CHMP4B: variants seen among roughly 807,000 people sequenced by gnomAD.
CHMP4B encodes the protein charged multivesicular body protein 4B, also known as SNF7 homolog associated with Alix 1.
A neutral mutation model predicts 25.1 loss-of-function variants in CHMP4B; 1 was observed. The observed-to-expected ratio is 0.04, with a 90% CI of 0.01 to 0.19. The LOEUF (loss-of-function observed/expected upper bound fraction) is 0.19, where lower values mean the gene tolerates loss of function less well. Ranked by LOEUF, CHMP4B falls within the 10% of genes least tolerant of loss-of-function variation. The probability of loss-of-function intolerance (pLI) is 1.00; values close to 1 mark genes in which losing one functional copy is unlikely to be tolerated. For synonymous variants in CHMP4B, 101 were observed against 115.6 expected (o/e 0.87, Z 0.81); for missense variants, 151 against 289.7 (o/e 0.52, Z 3.48).
intron 1 of CHMP4B, among the ~76,000 whole-genome samples, chr20:33,815,205 T>G (rs946752291): frequency 5.3e-5 from 8 of 152,164 alleles, no homozygotes; most frequent in Non-Finnish European, 1.0e-4. Flanking sequence ...CCTGATTGGA[T>G]GAAAATATGT....
intron 1 of CHMP4B, among the ~76,000 whole-genome samples, chr20:33,817,054 C>T (rs1030697689): frequency 1.3e-5 from 2 of 152,300 alleles, no homozygotes; most frequent in South Asian, 2.1e-4. Context: ...AGACAAAGAA[C>T]GTGGCTCTTT....
rs529926922 is a variant in CHMP4B at position 33,836,711 on chromosome 20, C to T, written c.191-11756C>T. Among the ~76,000 whole-genome samples the T allele has an allele frequency of 1.6e-3, 243 of 152,246 alleles. 1 individual carries two copies. The highest frequency in any genetic ancestry group is 5.6e-3 in the African/African-American group (233 of 41,554). ...ATGAACTCCAGCTGCGTTGGTCTCCCCAGACTCTCAGCTCTATCTCATTAA... is the reference window on the plus strand; with the variant it reads ...ATGAACTCCAGCTGCGTTGGTCTCCTCAGACTCTCAGCTCTATCTCATTAA... On this transcript the variant is annotated intron_variant, in intron 1 of 4. Transcript: ENST00000217402.
intron 1 of CHMP4B, among the ~76,000 whole-genome samples, chr20:33,823,969 C>A (rs1270316638): frequency 3.3e-5 from 5 of 152,202 alleles, no homozygotes; most frequent in African/African-American, 4.8e-5. Context: ...AGTCACCACA[C>A]CCGGCCCCAG....
chr20:33,847,163 T>C (rs1162217498), intron 1 of CHMP4B, among the ~76,000 whole-genome samples: 2 of 152,050 alleles, frequency 1.3e-5, no homozygotes, highest in Non-Finnish European at 2.9e-5. Flanking sequence ...GAATTACTTA[T>C]GGTGAATAAA....
At chr20:33,844,228 G>A (rs1979620347) in intron 1 of CHMP4B, among the ~76,000 whole-genome samples, 1 of 152,222 alleles carries the variant, frequency 6.6e-6, no homozygotes, top group African/African-American at 2.4e-5. Flanking sequence ...GTTCTAGCCT[G>A]TGTTTCAGTA....
chr20:33,813,448 C>T (rs1190058768), intron 1 of CHMP4B, among the ~76,000 whole-genome samples: 2 of 149,300 alleles, frequency 1.3e-5, no homozygotes, highest in Non-Finnish European at 3.0e-5. Flanking sequence ...GTGGGGGATG[C>T]GGGTGGGAGC....
chr20:33,831,553 T>C (rs904965318), intron 1 of CHMP4B, among the ~76,000 whole-genome samples: 1 of 151,676 alleles, frequency 6.6e-6, no homozygotes, highest in African/African-American at 2.4e-5. Context: ...TTAAAAATTT[T>C]TGTGGAGATG....
chr20:33,825,394 G>T (rs939739256), intron 1 of CHMP4B, among the ~76,000 whole-genome samples: 1 of 152,058 alleles, frequency 6.6e-6, no homozygotes, highest in Non-Finnish European at 1.5e-5. Context: ...GGCACAGTTG[G>T]GCACATTCAC....
At chr20:33,830,582 A>G (rs991030641) in intron 1 of CHMP4B, among the ~76,000 whole-genome samples, 1 of 152,076 alleles carries the variant, frequency 6.6e-6, no homozygotes, top group Admixed American at 6.5e-5. Flanking sequence ...TGTGTTGTGC[A>G]TTGCAGGGAG....
At chr20:33,832,106 G>A (rs1276514310) in intron 1 of CHMP4B, among the ~76,000 whole-genome samples, 2 of 151,900 alleles carry the variant, frequency 1.3e-5, no homozygotes, top group Non-Finnish European at 2.9e-5. Context: ...TTTTTCTGCC[G>A]GCATTTCACT....
At position 33,811,546 on chromosome 20, in the gene CHMP4B, C is replaced by A. The variant is rs1479416114; in HGVS notation, c.78C>A (p.Ile26=). ...GCGGCCCGACCCCCCAGGAGGCCAT[C>A]CAGCGGCTGCGGGACACGGAAGAGA... ...GKGGPTPQEA[I]QRLRDTEEML... Residue 26 remains isoleucine, a synonymous_variant, in exon 1 of 5, where the codon ATC becomes ATA. Coordinates refer to ENST00000217402, the MANE Select transcript of CHMP4B (RefSeq NM_176812.5). 6.2e-7 allele frequency: 1 copy of A among 1,611,956 alleles called. No individual in the cohort carries two copies. The highest frequency in any genetic ancestry group is 8.5e-7 in the Non-Finnish European group (1 of 1,179,144).
chr20:33,842,637 T>C (rs1979575536), intron 1 of CHMP4B, among the ~76,000 whole-genome samples: 1 of 152,152 alleles, frequency 6.6e-6, no homozygotes, highest in African/African-American at 2.4e-5. Context: ...TGCATTTGTG[T>C]GTAAGTGTCC....
At chr20:33,842,432 C>T (rs1979569639) in intron 1 of CHMP4B, among the ~76,000 whole-genome samples, 1 of 152,216 alleles carries the variant, frequency 6.6e-6, no homozygotes, top group Non-Finnish European at 1.5e-5. Context: ...CATAGTTCTC[C>T]TGGCTAAGGG....
intron 1 of CHMP4B, among the ~76,000 whole-genome samples, chr20:33,829,359 A>G (rs1426493083): frequency 6.6e-6 from 1 of 152,214 alleles, no homozygotes; most frequent in East Asian, 1.9e-4. Flanking sequence ...CCAGCCGAGA[A>G]TGCCCATCTG....
At chr20:33,835,820 G>A (rs757719906) in intron 1 of CHMP4B, among the ~76,000 whole-genome samples, 4 of 152,258 alleles carry the variant, frequency 2.6e-5, no homozygotes, top group Non-Finnish European at 4.4e-5. Flanking sequence ...ACTCATGGTG[G>A]AAGGCGAAGG....
chr20:33,838,024 G>A (rs1174152882), intron 1 of CHMP4B, among the ~76,000 whole-genome samples: 2 of 152,306 alleles, frequency 1.3e-5, no homozygotes, highest in East Asian at 3.9e-4. Context: ...CTTGCTCAGT[G>A]ACATACTTTA....
chr20:33,825,120 C>T (rs945275702), intron 1 of CHMP4B, among the ~76,000 whole-genome samples: 3 of 152,208 alleles, frequency 2.0e-5, no homozygotes, highest in African/African-American at 7.2e-5. Context: ...CCACTCAGGA[C>T]TCTGATCAAC....
chr20:33,839,517 C>A, intron 1 of CHMP4B, among the ~76,000 whole-genome samples: 1 of 152,148 alleles, frequency 6.6e-6, no homozygotes, highest in Non-Finnish European at 1.5e-5. Context: ...GTGTTTTTAA[C>A]CAATTTAAAA....
intron 1 of CHMP4B, among the ~76,000 whole-genome samples, chr20:33,845,622 A>G (rs760813773): frequency 1.3e-5 from 2 of 151,756 alleles, no homozygotes; most frequent in Non-Finnish European, 2.9e-5. Context: ...CGTGCCTGGT[A>G]TGGAAGGCCT....
Sources: gnomAD v4.1 joint callset for allele counts (sites outside exome capture counted in the v4.1 genomes callset) on GRCh38, gnomAD v4.1.1 for gene constraint, MANE v1.5 for transcripts, NCBI Gene and HGNC (gene_info 2026-07-23, HGNC 2026-07-21) for gene names.